DEPDC1B: variants seen among roughly 807,000 people sequenced by gnomAD.
DEPDC1B encodes the protein DEP domain-containing protein 1B.
A neutral mutation model predicts 66.5 loss-of-function variants in DEPDC1B; 51 were observed. That is an observed-to-expected ratio of 0.77 (90% CI 0.61 to 0.97). DEPDC1B has a LOEUF of 0.97. Ranked by LOEUF, DEPDC1B falls within the 50% of genes least tolerant of loss-of-function variation. The pLI is 0.00. For missense variants in DEPDC1B, 552 were observed against 637.1 expected, an observed-to-expected ratio of 0.87 and a Z score of 1.44; for synonymous variants, 226 against 223.6, an observed-to-expected ratio of 1.01 and a Z score of -0.10.
chr5:60,631,938 C>T (rs1752933988), intron 7 of DEPDC1B, among the ~76,000 whole-genome samples: 1 of 152,172 alleles, frequency 6.6e-6, no homozygotes, highest in Non-Finnish European at 1.5e-5. Context: ...TTCTGGCTAT[C>T]CTGGGAATCT....
rs552891183 is a variant in DEPDC1B at position 60,697,380 on chromosome 5, G to T, written c.48+2666C>A. 5.9e-5 allele frequency among the ~76,000 whole-genome samples: 9 copies of T among 152,252 alleles called. 1 individual carries two copies. Among genetic ancestry groups the T allele is most frequent in the African/African-American group, 1.9e-4 (8 of 41,540 alleles). On this transcript the variant is annotated intron_variant, in intron 1 of 10. Coordinates refer to ENST00000265036, the MANE Select transcript of DEPDC1B (RefSeq NM_018369.3). ...AAGGCCTAGTTTTTGTATCCCAATA[G>T]ATTTTTACCAAGCTTCCCCTGAAGA...
At chr5:60,681,591 A>C (rs11748965) in intron 2 of DEPDC1B, among the ~76,000 whole-genome samples, 68,404 of 151,610 alleles carry the variant, frequency 0.45, 15,941 homozygotes, top group East Asian at 0.77. Flanking sequence ...ACATAAAAAC[A>C]ATGAAAAGGC....
At chr5:60,664,985 C>T (rs1176659743) in intron 2 of DEPDC1B, among the ~76,000 whole-genome samples, 3 of 151,972 alleles carry the variant, frequency 2.0e-5, no homozygotes, top group African/African-American at 7.3e-5. Context: ...CCGGGGTCAT[C>T]AGAAAGGAAA....
chr5:60,597,700 T>C lies in DEPDC1B; in HGVS notation c.*53A>G, dbSNP rs554458770. The C allele has an allele frequency of 3.2e-6, 5 of 1,556,490 alleles. No individual in the cohort carries two copies. Among genetic ancestry groups the C allele is most frequent in the South Asian group, 1.2e-5 (1 of 81,552 alleles). On this transcript the variant is annotated 3_prime_UTR_variant, in exon 11 of 11. Coordinates refer to ENST00000265036, the MANE Select transcript of DEPDC1B (RefSeq NM_018369.3). ...ACCAAAGTCTTTCTCCTAACCACCATTCACTCAAAACAACAACAGTGGTCT... is the reference window on the plus strand; with the variant it reads ...ACCAAAGTCTTTCTCCTAACCACCACTCACTCAAAACAACAACAGTGGTCT...
At chr5:60,672,525 C>A (rs997281155) in intron 2 of DEPDC1B, among the ~76,000 whole-genome samples, 1 of 152,148 alleles carries the variant, frequency 6.6e-6, no homozygotes, top group African/African-American at 2.4e-5. Flanking sequence ...ATCACAAGAA[C>A]AGAAAGGGGG....
Position 60,700,104 on chromosome 5 carries a change from C to A in DEPDC1B, c.-11G>T. On this transcript the variant is annotated 5_prime_UTR_variant, in exon 1 of 11. Coordinates refer to ENST00000265036, the MANE Select transcript of DEPDC1B (RefSeq NM_018369.3). Reference sequence around the variant, plus strand: ...GATGCGATGCTCCATGGCGCGTAGGCAGCAGCGGCCGCAGCCGCGCCAGCG... The same window carrying A: ...GATGCGATGCTCCATGGCGCGTAGGAAGCAGCGGCCGCAGCCGCGCCAGCG... 6.5e-7 allele frequency: 1 copy of A among 1,547,544 alleles called. No homozygotes were observed. Among genetic ancestry groups the A allele is most frequent in the East Asian group, 2.4e-5 (1 of 40,958 alleles).
At chr5:60,687,811 C>G in intron 1 of DEPDC1B, 1 of 212,802 alleles carries the variant, frequency 4.7e-6, no homozygotes, top group South Asian at 5.2e-5. Context: ...CAGGAGTGAG[C>G]CACTGCACCC....
intron 1 of DEPDC1B, among the ~76,000 whole-genome samples, chr5:60,689,793 G>T (rs1754502481): frequency 6.6e-6 from 1 of 152,134 alleles, no homozygotes; most frequent in Non-Finnish European, 1.5e-5. Flanking sequence ...CCTAATCCCA[G>T]CACTTTGAGA....
intron 2 of DEPDC1B, among the ~76,000 whole-genome samples, chr5:60,686,213 C>T (rs1388694517): frequency 1.3e-5 from 2 of 152,150 alleles, no homozygotes; most frequent in South Asian, 2.1e-4. Context: ...AAGGAAAGCA[C>T]GTAATAAGGG....
At chr5:60,631,470 G>T (rs1752923514) in intron 7 of DEPDC1B, among the ~76,000 whole-genome samples, 1 of 152,208 alleles carries the variant, frequency 6.6e-6, no homozygotes, top group Non-Finnish European at 1.5e-5. Flanking sequence ...GAGCATAAGT[G>T]ATGGGGAGGA....
chr5:60,600,737 T>G (rs1752184905), intron 9 of DEPDC1B, among the ~76,000 whole-genome samples: 1 of 152,224 alleles, frequency 6.6e-6, no homozygotes, highest in Admixed American at 6.5e-5. Flanking sequence ...AGCTCAGCCT[T>G]CTGAACTTCA....
chr5:60,686,897 A>G, intron 2 of DEPDC1B, 65 bp downstream of exon 2: 1 of 1,581,268 alleles, frequency 6.3e-7, no homozygotes, highest in Middle Eastern at 1.7e-4. Context: ...AAGCTTCAAC[A>G]GACTTGGACC....
chr5:60,601,707 C>T (rs1480845456), intron 9 of DEPDC1B, among the ~76,000 whole-genome samples: 2 of 151,942 alleles, frequency 1.3e-5, no homozygotes, highest in Admixed American at 1.3e-4. Flanking sequence ...TACTATGTTG[C>T]CAATAATATT....
chr5:60,634,599 G>C (rs1238619747), intron 7 of DEPDC1B, among the ~76,000 whole-genome samples: 2 of 151,120 alleles, frequency 1.3e-5, no homozygotes, highest in Non-Finnish European at 3.0e-5. Context: ...GTGAACCCAG[G>C]AGAGGGAGCT....
chr5:60,660,879 G>A (rs1202671207), intron 2 of DEPDC1B, among the ~76,000 whole-genome samples: 2 of 152,190 alleles, frequency 1.3e-5, no homozygotes, highest in Non-Finnish European at 2.9e-5. Context: ...AGGACAGATG[G>A]TTCCTCCCAG....
chr5:60,640,681 G>A (rs1046480282), intron 6 of DEPDC1B, among the ~76,000 whole-genome samples: 2 of 152,178 alleles, frequency 1.3e-5, no homozygotes, highest in Admixed American at 6.5e-5. Context: ...ATGTGCACAC[G>A]GGTGTGACAA....
At chr5:60,682,531 T>C (rs1055490680) in intron 2 of DEPDC1B, among the ~76,000 whole-genome samples, 1 of 151,616 alleles carries the variant, frequency 6.6e-6, no homozygotes, top group Non-Finnish European at 1.5e-5. Context: ...AAATAAAAAT[T>C]AAAAAATAAA....
At chr5:60,687,794 G>A (rs1452461646) in intron 1 of DEPDC1B, 1 of 208,790 alleles carries the variant, frequency 4.8e-6, no homozygotes, top group Non-Finnish European at 1.0e-5. Flanking sequence ...CCAAAGTGCT[G>A]GAATTACAGG....
At chr5:60,637,516 CA>C (rs1170213986) in intron 7 of DEPDC1B, among the ~76,000 whole-genome samples, 2 of 152,144 alleles carry the variant, frequency 1.3e-5, no homozygotes, top group Non-Finnish European at 2.9e-5. Flanking sequence ...TATACATTAC[CA>C]AGTCTCAGGT....
Sources: allele counts gnomAD v4.1 joint callset (sites outside exome capture counted in the v4.1 genomes callset), GRCh38; gene constraint gnomAD v4.1.1; transcripts MANE v1.5; gene names NCBI Gene and HGNC (gene_info 2026-07-23, HGNC 2026-07-21).